The following PDZD2 variants were observed in gnomAD, a reference collection of about 807,000 sequenced individuals.
PDZD2 encodes the protein PDZ domain-containing protein 2.
A neutral mutation model predicts 220.7 loss-of-function variants in PDZD2; 90 were observed. That is an observed-to-expected ratio of 0.41 (90% confidence interval 0.34 to 0.49). PDZD2 has a LOEUF of 0.49. Among genes scored for constraint, PDZD2 ranks in the 20% least tolerant of loss-of-function variants. PDZD2 has a pLI of 0.28. For missense variants in PDZD2, 3,174 were observed against 3,608.5 expected, an observed-to-expected ratio of 0.88 and a Z score of 3.08; for synonymous variants, 1,375 against 1,450.5, an observed-to-expected ratio of 0.95 and a Z score of 1.18.
intron 2 of PDZD2, among the ~76,000 whole-genome samples, chr5:31,955,528 C>T (rs900807662): frequency 4.0e-5 from 6 of 151,774 alleles, no homozygotes; most frequent in Non-Finnish European, 8.8e-5. Context: ...CTTGAACTCC[C>T]GACCTCAGGT....
Position 31,962,022 on chromosome 5 carries a change from A to G in PDZD2, c.477-21133A>G, listed in dbSNP as rs563259890. 1.2e-3 allele frequency among the ~76,000 whole-genome samples: 186 copies of G among 152,338 alleles called. 2 individuals carry two copies. Among genetic ancestry groups the G allele is most frequent in the African/African-American group, 4.4e-3 (184 of 41,576 alleles). Reference sequence around the variant, plus strand: ...AATTTTAAAAACAAATTTTCTTTAGACAGGGTATCAATAGTCTCTGATTTG... The same window carrying G: ...AATTTTAAAAACAAATTTTCTTTAGGCAGGGTATCAATAGTCTCTGATTTG... On this transcript the variant is annotated intron_variant, in intron 2 of 24. Transcript: ENST00000438447.
At chr5:31,695,133 A>G (rs1469121874) in intron 1 of PDZD2, among the ~76,000 whole-genome samples, 1 of 152,088 alleles carries the variant, frequency 6.6e-6, no homozygotes, top group Non-Finnish European at 1.5e-5. Context: ...CCAAATTAAA[A>G]AAAAAAAAGA....
chr5:31,737,828 C>T (rs1281842978), intron 1 of PDZD2, among the ~76,000 whole-genome samples: 7 of 152,238 alleles, frequency 4.6e-5, no homozygotes, highest in Non-Finnish European at 7.4e-5. Flanking sequence ...GCACTTGTTC[C>T]GGGCTCTTTA....
intron 2 of PDZD2, among the ~76,000 whole-genome samples, chr5:31,906,859 A>C (rs1742705128): frequency 6.6e-6 from 1 of 152,168 alleles, no homozygotes; most frequent in Non-Finnish European, 1.5e-5. Context: ...AAGAAAAAAC[A>C]AAAGAGACTA....
chr5:32,089,471 A>T lies in PDZD2; in HGVS notation c.6023A>T (p.Glu2008Val). Residue 2008 changes from glutamate to valine, a missense_variant, in exon 20 of 25, where the codon GAA (glutamate) becomes GTA (valine). Physicochemically the swap from Glu to Val is moderately radical, Grantham distance 121. Coordinates refer to ENST00000438447, the MANE Select transcript of PDZD2 (RefSeq NM_178140.4). Reference sequence around the variant, plus strand: ...AGGTTCCACATGGCTGTCCTCTCTGAACCCGACAGAGGTTGCCCAACCACC... The same window carrying T: ...AGGTTCCACATGGCTGTCCTCTCTGTACCCGACAGAGGTTGCCCAACCACC... The part of the protein sequence containing the change: ...WSRFHMAVLS[E>V]PDRGCPTTPK... The T allele has an allele frequency of 1.9e-6, 3 of 1,613,724 alleles. No individual in the cohort carries two copies. The highest frequency in any genetic ancestry group is 2.5e-6 in the Non-Finnish European group (3 of 1,180,020).
At chr5:31,729,047 T>C (rs573327321) in intron 1 of PDZD2, among the ~76,000 whole-genome samples, 11 of 150,300 alleles carry the variant, frequency 7.3e-5, no homozygotes, top group African/African-American at 2.2e-4. Context: ...GGTCTATTAG[T>C]ATATGTATTA....
intron 2 of PDZD2, among the ~76,000 whole-genome samples, chr5:31,931,027 G>A (rs1376446891): frequency 6.6e-6 from 1 of 152,192 alleles, no homozygotes; most frequent in South Asian, 2.1e-4. Flanking sequence ...AGAGCATAAT[G>A]GGATTGTTTA....
At position 31,989,046 on chromosome 5, in the gene PDZD2, G is replaced by C. The variant is rs1037436347; in HGVS notation, c.978+5390G>C. On this transcript the variant is annotated intron_variant, in intron 3 of 24. Transcript: ENST00000438447. The stretch of plus-strand genomic sequence containing the variant: ...AGTAGACTTTAAGAGCAAAGCCTTT[G>C]ATTTTTTAAAAATGTTTTATATATT... Among the ~76,000 whole-genome samples the C allele has an allele frequency of 4.6e-5, 7 of 152,146 alleles. 1 individual carries two copies. Among genetic ancestry groups the C allele is most frequent in the Admixed American group, 2.0e-4 (3 of 15,272 alleles).
chr5:31,983,642 G>T lies in PDZD2; in HGVS notation c.964G>T (p.Asp322Tyr). The change falls in exon 3 of 25, where the codon GAC becomes TAC. Residue 322 changes from aspartate (D) to tyrosine (Y), a missense_variant. Physicochemically the swap from Asp to Tyr is radical, Grantham distance 160. Around this residue, in one of 4 missense-constraint regions of PDZD2, gnomAD observed 632 missense variants for 708.1 expected, o/e 0.89. Transcript: ENST00000438447. ...TGGGAAGACGGACTTCCAATCGAGT[G>T]ACTGCCTGGCACGGGTAAGGTTTGG... is the stretch of plus-strand genomic sequence containing the variant. ...KGGKTDFQSSDCLAREEVGRI... is the reference protein window; with the variant it reads ...KGGKTDFQSSYCLAREEVGRI... 6.2e-7 allele frequency: 1 copy of T among 1,613,488 alleles called. No homozygotes were observed. The highest frequency in any genetic ancestry group is 8.5e-7 in the Non-Finnish European group (1 of 1,179,508).
At position 32,014,939 on chromosome 5, in the gene PDZD2, C is replaced by CTTTTTTTTTTTTTTTTT. The variant is rs746683258; in HGVS notation, c.1407+4461_1407+4477dup. On this transcript the variant is annotated intron_variant, in intron 6 of 24. Coordinates refer to ENST00000438447, the MANE Select transcript of PDZD2 (RefSeq NM_178140.4). The stretch of plus-strand genomic sequence containing the variant: ...TGGCCAGGATAGTCTCAATCTCTCT[C>CTTTTTTTTTTTTTTTTT]TTTTTTTTTTTTTTTTTTTTGAGAC... Among the ~76,000 whole-genome samples, 3 of 94,020 alleles carry CTTTTTTTTTTTTTTTTT rather than the reference C, an allele frequency of 3.2e-5. 1 individual carries two copies. The highest frequency in any genetic ancestry group is 4.0e-5 in the African/African-American group (1 of 24,694). The allele number at this position is 94,020 out of a possible 152,430, so 61.7% of individuals were successfully genotyped here.
chr5:31,814,963 C>T (rs983641983), intron 2 of PDZD2, among the ~76,000 whole-genome samples: 5 of 151,794 alleles, frequency 3.3e-5, no homozygotes, highest in African/African-American at 1.2e-4. Flanking sequence ...GATGGCAAGG[C>T]CGGGGGCGGT....
chr5:31,822,550 C>T (rs1255206132), intron 2 of PDZD2: 6 of 800,126 alleles, frequency 7.5e-6, no homozygotes, highest in Non-Finnish European at 1.2e-5. Flanking sequence ...CTGGACAACT[C>T]TTAGATCTTA....
In PDZD2 at chr5:32,000,671, C is replaced by T. The variant is rs758878416; in HGVS notation, c.1254+400C>T. ...GATTACAGCCACATGCCATCACACC[C>T]GGCTAATTTTGTATTTTTTATAGAG... is the stretch of plus-strand genomic sequence containing the variant. On this transcript the variant is annotated intron_variant, in intron 5 of 24. Transcript: ENST00000438447. This position sits in a 1 kb window ranked among gnomAD's most constrained non-coding sequence, Gnocchi z 4.5. Among the ~76,000 whole-genome samples the T allele has an allele frequency of 7.9e-5, 12 of 152,196 alleles. No homozygotes were observed. Among genetic ancestry groups the T allele is most frequent in the Non-Finnish European group, 1.3e-4 (9 of 68,018 alleles).
At chr5:31,679,730 A>G (rs1242615217) in intron 1 of PDZD2, among the ~76,000 whole-genome samples, 1 of 152,104 alleles carries the variant, frequency 6.6e-6, no homozygotes, top group African/African-American at 2.4e-5. Context: ...GGCTGGTCCC[A>G]AACTCCTGAC....
chr5:32,048,452 GTAAA>G (rs958815558), intron 7 of PDZD2, 83 bp from the exon 8 acceptor site: 2 of 1,119,768 alleles, frequency 1.8e-6, no homozygotes, highest in African/African-American at 3.1e-5. Context: ...GAAGGTGGGT[GTAAA>G]TACAATGAGT....
rs143746396 is a variant in PDZD2, at chr5:31,806,787, C to G, written c.476+7063C>G. ...GTAAACCAGATCTGTTCCCTAAGGA[C>G]AGATTGTTCCAAATTGGTCGCAAAA... On this transcript the variant is annotated intron_variant, in intron 2 of 24. Coordinates refer to ENST00000438447, the MANE Select transcript of PDZD2 (RefSeq NM_178140.4). Among the ~76,000 whole-genome samples, 1,173 of 152,246 alleles carry G rather than the reference C, an allele frequency of 7.7e-3. 13 individuals are homozygous for G. The highest frequency in any genetic ancestry group is 0.01 in the Non-Finnish European group (681 of 68,022).
chr5:31,997,774 C>T (rs1311655391), intron 4 of PDZD2, among the ~76,000 whole-genome samples: 7 of 152,018 alleles, frequency 4.6e-5, no homozygotes, highest in Admixed American at 2.0e-4. Context: ...GATTCACAAG[C>T]GGGGCATTTT....
chr5:31,734,147 GAT>G (rs763998200), intron 1 of PDZD2, among the ~76,000 whole-genome samples: 1 of 152,152 alleles, frequency 6.6e-6, no homozygotes, highest in Non-Finnish European at 1.5e-5. Context: ...TCCAGTGAAA[GAT>G]AGGATAAAGG....
In PDZD2 at chr5:32,000,489, G is replaced by A. The variant is rs1197993398; in HGVS notation, c.1254+218G>A. Among the ~76,000 whole-genome samples, 2 of 8,612 alleles carry A rather than the reference G, an allele frequency of 2.3e-4. No homozygotes were observed. Among genetic ancestry groups the A allele is most frequent in the Non-Finnish European group, 3.2e-3 (2 of 620 alleles). 5.6% of individuals were successfully genotyped at this position (8,612 alleles called of 152,430 possible). ...GGCTTTCCTTAAGAAGTTTGTTTTT[G>A]TTTTTGTTTTTGTTTTTGTTTTTGT... On this transcript the variant is annotated intron_variant, in intron 5 of 24. Transcript: ENST00000438447. This position sits in a 1 kb window ranked among gnomAD's most constrained non-coding sequence, Gnocchi z 4.5.
Sources: gnomAD v4.1 joint callset for allele counts (sites outside exome capture counted in the v4.1 genomes callset) on GRCh38, gnomAD v4.1.1 for gene constraint, gnomAD v4.1.1 regional missense constraint, Gnocchi (gnomAD v3.1) non-coding constraint, MANE v1.5 for transcripts, NCBI Gene and HGNC (gene_info 2026-07-23, HGNC 2026-07-21) for gene names.